Variants in WDR27 observed in about 807,000 individuals in gnomAD.
WDR27 encodes the protein WD repeat-containing protein 27.
A neutral mutation model predicts 114.4 loss-of-function variants in WDR27; 100 were observed. The observed-to-expected ratio is 0.87, with a 90% CI of 0.74 to 1.03. The LOEUF is 1.03. Ranked by LOEUF, WDR27 falls within the 50% of genes least tolerant of loss-of-function variation. WDR27 has a pLI of 0.00. For synonymous variants in WDR27, 449 were observed against 423.1 expected (o/e 1.06, Z -0.75); for missense variants, 1,129 against 1,092.9 (o/e 1.03, Z -0.47).
the WDR27 span, among the ~76,000 whole-genome samples, chr6:169,434,062 C>T: frequency 1.3e-5 from 2 of 152,168 alleles, no homozygotes; most frequent in African/African-American, 2.4e-5. Flanking sequence ...ATGATAGTTT[C>T]TTTTGCTGTG....
chr6:169,441,856 A>C, the WDR27 span, among the ~76,000 whole-genome samples: 2 of 152,328 alleles, frequency 1.3e-5, no homozygotes, highest in Non-Finnish European at 2.9e-5. Context: ...AAAACACTTT[A>C]TTTAGAGATT....
intron 25 of WDR27, among the ~76,000 whole-genome samples, chr6:169,491,748 T>G (rs901914631): frequency 6.6e-6 from 1 of 152,118 alleles, no homozygotes; most frequent in African/African-American, 2.4e-5. Context: ...AATCACAGTT[T>G]AAGCTCAACA....
chr6:169,648,675 G>A (rs1373628744), intron 15 of WDR27, among the ~76,000 whole-genome samples: 5 of 152,170 alleles, frequency 3.3e-5, no homozygotes, highest in Admixed American at 2.0e-4. Context: ...ATCTCTCCTC[G>A]GACAATGTAA....
Position 169,659,280 on chromosome 6 carries a change from G to GTA in WDR27, c.1198-75_1198-74dup. On this transcript the variant is annotated intron_variant, in intron 11 of 25. Coordinates refer to ENST00000448612, the MANE Select transcript of WDR27 (RefSeq NM_182552.5). The surrounding 1 kb of genome is among the most constrained non-coding windows in gnomAD (Gnocchi z 4.3). ...GCAGACGAAACGTGCATCCGCACAC[G>GTA]TATCCTAACAGCTGCTTCATTCTCA... The GTA allele has an allele frequency of 6.4e-7, 1 of 1,556,574 alleles. No individual in the cohort carries two copies. The highest frequency in any genetic ancestry group is 8.7e-7 in the Non-Finnish European group (1 of 1,148,694).
At chr6:169,551,598 AT>A (rs2128103615) in intron 25 of WDR27, among the ~76,000 whole-genome samples, 1 of 152,038 alleles carries the variant, frequency 6.6e-6, no homozygotes, top group South Asian at 2.1e-4. Flanking sequence ...TTAGCTGGGC[AT>A]GGTGGTGGGT....
At chr6:169,602,143 T>C in intron 23 of WDR27, 76 bp downstream of exon 23, 2 of 1,104,416 alleles carry the variant, frequency 1.8e-6, no homozygotes, top group Non-Finnish European at 2.5e-6. Flanking sequence ...TATCCTAATA[T>C]GCAACAATAT....
intron 25 of WDR27, among the ~76,000 whole-genome samples, chr6:169,495,389 C>T (rs1790270117): frequency 6.6e-6 from 1 of 150,926 alleles, no homozygotes; most frequent in Non-Finnish European, 1.5e-5. Flanking sequence ...ACTTAAGGAA[C>T]TAAAAAACTA....
chr6:169,577,323 C>T (rs16888175), intron 24 of WDR27, among the ~76,000 whole-genome samples: 23,371 of 138,588 alleles, frequency 0.17, 2,486 homozygotes, highest in South Asian at 0.31. Context: ...GCGTCCGCGC[C>T]GAGCCAGGAA....
intron 24 of WDR27, among the ~76,000 whole-genome samples, chr6:169,580,521 T>C (rs1373429328): frequency 6.6e-6 from 1 of 152,196 alleles, no homozygotes; most frequent in Non-Finnish European, 1.5e-5. Flanking sequence ...AAGGAGAAGA[T>C]TTTCGGTGTC....
At chr6:169,457,832 CT>C (rs1294756017) in intron 25 of WDR27, among the ~76,000 whole-genome samples, 198 bp from the exon 26 acceptor site, 2 of 152,072 alleles carry the variant, frequency 1.3e-5, no homozygotes, top group Admixed American at 6.6e-5. Context: ...CTACATTTCA[CT>C]GCTGTTTTAA....
In WDR27 at chr6:169,594,775, C is replaced by T. The variant is rs138864077; in HGVS notation, c.2424+7444G>A. On this transcript the variant is annotated intron_variant, in intron 23 of 25. Coordinates refer to ENST00000448612, the MANE Select transcript of WDR27 (RefSeq NM_182552.5). ...ACATTTCACATCTCTTCTCTTTATC[C>T]TTTCTGGATCACTTCGGATTAAAGC... Among the ~76,000 whole-genome samples the T allele has an allele frequency of 1.5e-3, 222 of 152,268 alleles. 1 individual carries two copies. The highest frequency in any genetic ancestry group is 5.1e-3 in the African/African-American group (210 of 41,568).
chr6:169,602,466 T>C, intron 22 of WDR27, 145 bp from the exon 23 acceptor site: 1 of 580,892 alleles, frequency 1.7e-6, no homozygotes, highest in Non-Finnish European at 3.1e-6. Context: ...AATTATTAAA[T>C]GGTTAATGGG....
chr6:169,633,229 G>T (rs554698100), intron 20 of WDR27, among the ~76,000 whole-genome samples, 161 bp from the exon 21 acceptor site: 1 of 152,330 alleles, frequency 6.6e-6, no homozygotes, highest in South Asian at 2.1e-4. Context: ...CCTGAGTCCA[G>T]TCCAGCCCCA....
intron 25 of WDR27, among the ~76,000 whole-genome samples, chr6:169,504,718 G>A (rs1461964678): frequency 6.6e-6 from 1 of 152,022 alleles, no homozygotes; most frequent in Non-Finnish European, 1.5e-5. Flanking sequence ...AAGCGATCCT[G>A]CCTCGCTTGG....
At chr6:169,455,770 T>C (rs1001927479), downstream of WDR27, among the ~76,000 whole-genome samples, 1 of 152,258 alleles carries the variant, frequency 6.6e-6, no homozygotes, top group Non-Finnish European at 1.5e-5. Context: ...AGAGGACTTA[T>C]ACTGCTATTC....
Position 169,599,042 on chromosome 6 carries a change from G to T in WDR27, c.2424+3177C>A, listed in dbSNP as rs1313592096. Reference sequence around the variant, plus strand: ...TAGGGTACATGTGCACAACGTGCAGGTTTGTTACATATGTATACATGTGCC... The same window carrying T: ...TAGGGTACATGTGCACAACGTGCAGTTTTGTTACATATGTATACATGTGCC... On this transcript the variant is annotated intron_variant, in intron 23 of 25. Transcript: ENST00000448612. Among the ~76,000 whole-genome samples, 5 of 152,062 alleles carry T rather than the reference G, an allele frequency of 3.3e-5. No individual in the cohort carries two copies. In the South Asian group the frequency reaches 1.0e-3, roughly 32 times the overall value.
At chr6:169,464,174 T>A (rs1785251632) in intron 25 of WDR27, among the ~76,000 whole-genome samples, 1 of 152,202 alleles carries the variant, frequency 6.6e-6, no homozygotes, top group Admixed American at 6.5e-5. Context: ...GTCACTGGCA[T>A]AAAGATCGAC....
intron 1 of WDR27, among the ~76,000 whole-genome samples, chr6:169,701,108 G>A (rs17860602): frequency 0.013 from 1,992 of 152,194 alleles, 28 homozygotes; most frequent in Middle Eastern, 0.054. Flanking sequence ...TCCTTTACTG[G>A]TACAGAGCAG....
chr6:169,592,597 T>A (rs1461044913), intron 23 of WDR27, among the ~76,000 whole-genome samples: 1 of 152,272 alleles, frequency 6.6e-6, no homozygotes. Context: ...ACTAATTATC[T>A]TGGGTTTTCC....
Sources: allele counts gnomAD v4.1 joint callset (sites outside exome capture counted in the v4.1 genomes callset), GRCh38; gene constraint gnomAD v4.1.1; non-coding constraint Gnocchi (gnomAD v3.1); transcripts MANE v1.5; gene names NCBI Gene and HGNC (gene_info 2026-07-23, HGNC 2026-07-21).